Variants in CFAP299 observed in about 807,000 individuals in gnomAD.
CFAP299 encodes cilia- and flagella-associated protein 299.
In CFAP299, 21 loss-of-function variants were observed where a neutral mutation model predicts 27.0. That is an observed-to-expected ratio of 0.78 (90% CI 0.55 to 1.12). The LOEUF is 1.12. CFAP299 is among the 50% of genes most tolerant of loss of function. CFAP299 has a pLI of 0.00. For missense variants in CFAP299, 310 were observed against 276.6 expected (o/e 1.12, Z -0.86); for synonymous variants, 104 against 98.1 (o/e 1.06, Z -0.36).
intron 4 of CFAP299, chr4:80,872,777 T>C (rs1733168860): frequency 2.3e-6 from 1 of 430,880 alleles, no homozygotes; most frequent in Admixed American, 6.4e-5. Flanking sequence ...GAAGTACCTA[T>C]TAAGATTTTT....
intron 3 of CFAP299, among the ~76,000 whole-genome samples, chr4:80,586,267 A>T (rs1035471376): frequency 3.9e-5 from 6 of 152,060 alleles, no homozygotes; most frequent in Admixed American, 3.9e-4. Flanking sequence ...AATAAATTTT[A>T]TAATAAAGGA....
intron 3 of CFAP299, among the ~76,000 whole-genome samples, chr4:80,689,442 A>G (rs189178139): frequency 7.3e-4 from 111 of 152,358 alleles, no homozygotes; most frequent in African/African-American, 2.5e-3. Flanking sequence ...CAGCCAAACT[A>G]AGCTTCAAAA....
In CFAP299 at chr4:80,434,638, C is replaced by G. The variant is rs368922895; in HGVS notation, c.242+71754C>G. Among the ~76,000 whole-genome samples the G allele has an allele frequency of 7.7e-4, 118 of 152,318 alleles. 5 individuals carry two copies. The South Asian group carries it at 0.022, about 29-fold the overall frequency. ...ATTTTCAGAATATAATGAACAAGCA[C>G]TAAACCTCTGTTTTCTTTATGAACT... On this transcript the variant is annotated intron_variant, in intron 2 of 5. Transcript: ENST00000358105.
At chr4:80,343,605 A>G (rs1722573165) in intron 1 of CFAP299, among the ~76,000 whole-genome samples, 1 of 151,834 alleles carries the variant, frequency 6.6e-6, no homozygotes, top group African/African-American at 2.4e-5. Context: ...CTGGCTAACA[A>G]GGTGAAACCC....
intron 3 of CFAP299, among the ~76,000 whole-genome samples, chr4:80,685,390 G>A (rs141990463): frequency 3.4e-4 from 51 of 152,190 alleles, no homozygotes; most frequent in African/African-American, 1.2e-3. Flanking sequence ...GTGACCCTGT[G>A]CTTGGGAACT....
chr4:80,612,901 T>C (rs1339477763), intron 3 of CFAP299, among the ~76,000 whole-genome samples: 1 of 152,112 alleles, frequency 6.6e-6, no homozygotes, highest in Admixed American at 6.6e-5. Context: ...AGTCACCTTC[T>C]AAAGATAAAA....
At chr4:80,577,366 G>A (rs185588938) in intron 2 of CFAP299, among the ~76,000 whole-genome samples, 1 of 150,928 alleles carries the variant, frequency 6.6e-6, no homozygotes, top group East Asian at 1.9e-4. Context: ...ATTTGAATTA[G>A]GGATTATTAA....
rs559627090 is a variant in CFAP299, at chr4:80,932,726, A to G, written c.477-12084A>G. 2.0e-5 allele frequency among the ~76,000 whole-genome samples: 3 copies of G among 152,318 alleles called. No homozygotes were observed. In the South Asian group the frequency reaches 6.2e-4, roughly 32 times the overall value. The stretch of plus-strand genomic sequence containing the variant: ...AACTTTGGAAGCATTTTACAGAAAC[A>G]TTGAATATATCAACGCTAATTCAGC... On this transcript the variant is annotated intron_variant, in intron 4 of 5. Transcript: ENST00000358105.
At chr4:80,657,013 A>G (rs545570220) in intron 3 of CFAP299, among the ~76,000 whole-genome samples, 41 of 152,042 alleles carry the variant, frequency 2.7e-4, no homozygotes, top group African/African-American at 9.4e-4. Context: ...TGTTGGCCAC[A>G]TAAATGTCTT....
At chr4:80,760,116 C>T (rs1048832191) in intron 3 of CFAP299, among the ~76,000 whole-genome samples, 1 of 151,956 alleles carries the variant, frequency 6.6e-6, no homozygotes, top group African/African-American at 2.4e-5. Flanking sequence ...TTTTTTCCTG[C>T]AGTAAAGTCA....
chr4:80,572,604 G>A (rs1225906909), intron 2 of CFAP299, among the ~76,000 whole-genome samples: 3 of 129,578 alleles, frequency 2.3e-5, no homozygotes, highest in Non-Finnish European at 3.1e-5. Flanking sequence ...TGCAACCTCC[G>A]CCTCCCAGGT....
intron 1 of CFAP299, among the ~76,000 whole-genome samples, chr4:80,340,352 C>G (rs564235692): frequency 6.6e-6 from 1 of 152,316 alleles, no homozygotes; most frequent in East Asian, 1.9e-4. Context: ...CCATCCAATA[C>G]TCAGAACTGT....
intron 2 of CFAP299, among the ~76,000 whole-genome samples, chr4:80,520,135 A>G (rs182550661): frequency 5.2e-4 from 79 of 152,204 alleles, no homozygotes; most frequent in Non-Finnish European, 9.7e-4. Context: ...TTAATTTTCC[A>G]TTTGTTCTTT....
chr4:80,491,156 C>CT (rs1473441325), intron 2 of CFAP299, among the ~76,000 whole-genome samples: 1 of 151,952 alleles, frequency 6.6e-6, no homozygotes, highest in Non-Finnish European at 1.5e-5. Context: ...CTGTAATATG[C>CT]TTTTCAGAAA....
intron 3 of CFAP299, among the ~76,000 whole-genome samples, chr4:80,633,055 C>T (rs2109949648): frequency 6.6e-6 from 1 of 152,198 alleles, no homozygotes; most frequent in South Asian, 2.1e-4. Flanking sequence ...CTTTAAAATG[C>T]CTTTTAAAAA....
intron 3 of CFAP299, among the ~76,000 whole-genome samples, chr4:80,687,287 G>C (rs909093392): frequency 6.6e-6 from 1 of 151,996 alleles, no homozygotes; most frequent in Non-Finnish European, 1.5e-5. Flanking sequence ...TCTACCACTC[G>C]TGATCTCCTC....
chr4:80,571,686 C>T (rs925729015), intron 2 of CFAP299, among the ~76,000 whole-genome samples: 5 of 151,774 alleles, frequency 3.3e-5, no homozygotes, highest in African/African-American at 1.2e-4. Context: ...GTTTAGATGA[C>T]ATCATAAGGG....
intron 3 of CFAP299, among the ~76,000 whole-genome samples, chr4:80,591,945 A>G (rs75420140): frequency 0.011 from 1,631 of 152,320 alleles, 31 homozygotes; most frequent in African/African-American, 0.035. Flanking sequence ...TTTTGTGGGA[A>G]CAGATTTTTA....
At chr4:80,323,105 G>T in the CFAP299 span, among the ~76,000 whole-genome samples, 1 of 152,202 alleles carries the variant, frequency 6.6e-6, no homozygotes, top group African/African-American at 2.4e-5. Flanking sequence ...GACTGTAAAT[G>T]GAAGAATGAC....
Sources: allele counts gnomAD v4.1 joint callset (sites outside exome capture counted in the v4.1 genomes callset), GRCh38; gene constraint gnomAD v4.1.1; transcripts MANE v1.5; gene names NCBI Gene and HGNC (gene_info 2026-07-23, HGNC 2026-07-21).